Variants in PCCA observed in about 807,000 individuals in gnomAD.
PCCA encodes propionyl-CoA carboxylase subunit alpha.
Under a neutral mutation model 101.3 loss-of-function variants are expected in PCCA, and 74 were observed. That is an observed-to-expected ratio of 0.73 (90% CI 0.61 to 0.89). The LOEUF (loss-of-function observed/expected upper bound fraction) is 0.89, where lower values mean the gene tolerates loss of function less well. Among genes scored for constraint, PCCA ranks in the 40% least tolerant of loss-of-function variants. PCCA has a pLI of 0.00. For missense variants in PCCA, 891 were observed against 907.0 expected (o/e 0.98, Z 0.23); for synonymous variants, 294 against 313.6 (o/e 0.94, Z 0.66).
chr13:100,256,981 T>C (rs2062117915), intron 8 of PCCA, among the ~76,000 whole-genome samples: 1 of 152,198 alleles, frequency 6.6e-6, no homozygotes, highest in African/African-American at 2.4e-5. Flanking sequence ...TTACTTTGTA[T>C]TTTCATAACA....
intron 10 of PCCA, among the ~76,000 whole-genome samples, chr13:100,266,178 C>G (rs2062922970): frequency 6.6e-6 from 1 of 152,162 alleles, no homozygotes; most frequent in South Asian, 2.1e-4. Flanking sequence ...TTATCTTTAA[C>G]TAGTTGAATT....
intron 4 of PCCA, among the ~76,000 whole-genome samples, chr13:100,153,693 G>T (rs553785875): frequency 6.6e-6 from 1 of 152,148 alleles, no homozygotes; most frequent in Non-Finnish European, 1.5e-5. Flanking sequence ...CGATAACCAC[G>T]AGGAAGGCCT....
intron 18 of PCCA, among the ~76,000 whole-genome samples, chr13:100,366,151 A>G (rs920143945): frequency 6.6e-6 from 1 of 152,216 alleles, no homozygotes; most frequent in Non-Finnish European, 1.5e-5. Flanking sequence ...AAGAAAGCCA[A>G]GTTGCACGGT....
At chr13:100,316,878 A>G (rs1036411697) in intron 16 of PCCA, among the ~76,000 whole-genome samples, 14 of 151,910 alleles carry the variant, frequency 9.2e-5, no homozygotes, top group African/African-American at 2.9e-4. Context: ...GGTTCAAGCA[A>G]TTCTCCTGCC....
chr13:100,385,797 A>C (rs551969112), intron 19 of PCCA, among the ~76,000 whole-genome samples: 15 of 152,058 alleles, frequency 9.9e-5, no homozygotes, highest in Non-Finnish European at 2.1e-4. Flanking sequence ...TTTTTTATAG[A>C]GACAGGGTTT....
intron 6 of PCCA, among the ~76,000 whole-genome samples, chr13:100,191,404 G>C (rs780353403): frequency 6.6e-6 from 1 of 152,164 alleles, no homozygotes; most frequent in Non-Finnish European, 1.5e-5. Flanking sequence ...TGAGACTCTG[G>C]AGTCCCTTCA....
intron 17 of PCCA, among the ~76,000 whole-genome samples, chr13:100,337,494 A>G (rs2070680569): frequency 6.6e-6 from 1 of 152,244 alleles, no homozygotes; most frequent in South Asian, 2.1e-4. Flanking sequence ...GATCAGGAGT[A>G]GCATTATGCT....
At chr13:100,496,014 ATAAT>A (rs2085250246) in intron 21 of PCCA, among the ~76,000 whole-genome samples, 1 of 152,044 alleles carries the variant, frequency 6.6e-6, no homozygotes. Context: ...ATATATGTAA[ATAAT>A]TGGTATCTTC....
In PCCA at chr13:100,283,372, G is replaced by C. The variant is rs564098767; in HGVS notation, c.1065+10026G>C. 1.1e-3 allele frequency among the ~76,000 whole-genome samples: 165 copies of C among 152,194 alleles called. 2 individuals carry two copies. The highest frequency in any genetic ancestry group is 0.011 in the Admixed American group (162 of 15,282). ...GGGACTGGAGTCATAAACATCTGTT[G>C]ACCTGTATTCTAGAAGGACTAAGGA... On this transcript the variant is annotated intron_variant, in intron 12 of 23. Transcript: ENST00000376285.
At chr13:100,312,887 G>A (rs1247832276) in intron 16 of PCCA, among the ~76,000 whole-genome samples, 1 of 152,186 alleles carries the variant, frequency 6.6e-6, no homozygotes, top group Non-Finnish European at 1.5e-5. Flanking sequence ...AGAGAAAGGT[G>A]TGGACATCTA....
At chr13:100,308,426 G>A in intron 15 of PCCA, among the ~76,000 whole-genome samples, 1 of 152,096 alleles carries the variant, frequency 6.6e-6, no homozygotes, top group Non-Finnish European at 1.5e-5. Flanking sequence ...CCAGGCTCAA[G>A]CGATCCACCT....
intron 19 of PCCA, among the ~76,000 whole-genome samples, chr13:100,378,034 G>A (rs539598515): frequency 2.6e-5 from 4 of 152,108 alleles, no homozygotes; most frequent in African/African-American, 7.2e-5. Context: ...ATACTTGCAC[G>A]TGTTTTCATG....
At chr13:100,265,822 A>G (rs908629314) in intron 10 of PCCA, among the ~76,000 whole-genome samples, 9 of 139,970 alleles carry the variant, frequency 6.4e-5, no homozygotes, top group African/African-American at 1.6e-4. Context: ...TTTCTAATAG[A>G]TGGATGTTAT....
chr13:100,166,946 T>C (rs950473139), intron 6 of PCCA, among the ~76,000 whole-genome samples: 4 of 152,202 alleles, frequency 2.6e-5, no homozygotes, highest in African/African-American at 9.6e-5. Flanking sequence ...TGATGTCTTA[T>C]TGTGGTTTTG....
chr13:100,288,318 GA>G (rs953450697), intron 12 of PCCA, among the ~76,000 whole-genome samples: 22 of 152,200 alleles, frequency 1.4e-4, no homozygotes, highest in African/African-American at 4.8e-4. Context: ...TTTTTAGAGA[GA>G]GGGGTCTTAC....
At chr13:100,133,330 C>G (rs2050750099) in intron 4 of PCCA, among the ~76,000 whole-genome samples, 1 of 152,156 alleles carries the variant, frequency 6.6e-6, no homozygotes, top group Non-Finnish European at 1.5e-5. Context: ...CAAATAGTTT[C>G]TTCCAGTTGG....
intron 7 of PCCA, among the ~76,000 whole-genome samples, chr13:100,233,421 G>T (rs566021500): frequency 6.6e-5 from 10 of 152,118 alleles, no homozygotes; most frequent in Non-Finnish European, 1.2e-4. Context: ...TGTGATGATT[G>T]TTGGTCCTTT....
At chr13:100,483,914 CAGA>C (rs1358289372) in intron 21 of PCCA, among the ~76,000 whole-genome samples, 3 of 152,166 alleles carry the variant, frequency 2.0e-5, no homozygotes, top group African/African-American at 4.8e-5. Flanking sequence ...ACATTATTAC[CAGA>C]AGGAGTGCTT....
intron 6 of PCCA, among the ~76,000 whole-genome samples, chr13:100,164,150 A>G (rs1284975804): frequency 6.6e-6 from 1 of 152,228 alleles, no homozygotes; most frequent in African/African-American, 2.4e-5. Context: ...GATCTGTCAA[A>G]TTTAAAATAT....
Sources: gnomAD v4.1 joint callset for allele counts (sites outside exome capture counted in the v4.1 genomes callset) on GRCh38, gnomAD v4.1.1 for gene constraint, MANE v1.5 for transcripts, NCBI Gene and HGNC (gene_info 2026-07-23, HGNC 2026-07-21) for gene names.